Variants in CFAP20 observed in about 807,000 individuals in gnomAD.
CFAP20 encodes cilia and flagella associated protein 20, also known as cilia- and flagella-associated protein 20.
A neutral mutation model predicts 25.5 loss-of-function variants in CFAP20; 14 were observed. The observed-to-expected ratio is 0.55, with a 90% CI of 0.36 to 0.86. The LOEUF (loss-of-function observed/expected upper bound fraction) is 0.86. Among genes scored for constraint, CFAP20 ranks in the 40% least tolerant of loss-of-function variants. The probability of loss-of-function intolerance (pLI) is 0.01; values close to 1 mark genes in which losing one functional copy is unlikely to be tolerated. For missense variants in CFAP20, 181 were observed against 248.0 expected (o/e 0.73, Z 1.81); for synonymous variants, 75 against 91.1 (o/e 0.82, Z 1.01).
intron 3 of CFAP20, 38 bp from the exon 4 acceptor site, chr16:58,115,495 T>C: frequency 1.9e-6 from 3 of 1,603,292 alleles, no homozygotes; most frequent in Non-Finnish European, 1.7e-6. Flanking sequence ...ACTAGCTCTG[T>C]CTTGGAAGAA....
At chr16:58,128,552 G>A (rs866155945) in intron 1 of CFAP20, among the ~76,000 whole-genome samples, 1 of 152,188 alleles carries the variant, frequency 6.6e-6, no homozygotes, top group African/African-American at 2.4e-5. Context: ...TCTGTGTCTA[G>A]TGCCCAGCAC....
intron 1 of CFAP20, among the ~76,000 whole-genome samples, chr16:58,126,803 T>C (rs758383240): frequency 5.9e-5 from 9 of 152,346 alleles, no homozygotes; most frequent in Non-Finnish European, 7.3e-5. Context: ...CCCTACTGGA[T>C]TGAATTTCCA....
intron 1 of CFAP20, among the ~76,000 whole-genome samples, chr16:58,122,782 G>T (rs1960552083): frequency 6.6e-6 from 1 of 152,086 alleles, no homozygotes; most frequent in African/African-American, 2.4e-5. Flanking sequence ...CTAGAATGTA[G>T]GAAATTTTTT....
At chr16:58,115,076 C>T (rs1311827641) in intron 4 of CFAP20, 156 bp from the exon 5 acceptor site, 9 of 974,466 alleles carry the variant, frequency 9.2e-6, no homozygotes, top group Non-Finnish European at 1.2e-5. Context: ...GGAGGTCTTA[C>T]TTGCTGTATT....
intron 5 of CFAP20, among the ~76,000 whole-genome samples, chr16:58,114,265 C>T (rs1033259628): frequency 2.0e-5 from 3 of 152,152 alleles, no homozygotes; most frequent in Non-Finnish European, 4.4e-5. Flanking sequence ...CGGTGGCTCA[C>T]GCCTGTAATC....
chr16:58,126,597 C>T (rs1457769350), intron 1 of CFAP20, among the ~76,000 whole-genome samples: 1 of 152,204 alleles, frequency 6.6e-6, no homozygotes, highest in African/African-American at 2.4e-5. Context: ...TATATACCTA[C>T]TGGCAAAAGT....
chr16:58,116,092 G>A lies in CFAP20; in HGVS notation c.225C>T (p.Phe75=). ...TCAGGTTTTTGATAATCATGACAAG[G>A]AAAGGAAGTTTAATTCCCAGCGTCT... ...PKKTLGIKLP[F]LVMIIKNLKK... Residue 75 remains phenylalanine (F), a synonymous_variant, in exon 3 of 6, where the codon TTC becomes TTT. Transcript: ENST00000262498. The A allele has an allele frequency of 5.6e-6, 9 of 1,613,940 alleles. No individual in the cohort carries two copies. Among genetic ancestry groups the A allele is most frequent in the Non-Finnish European group, 7.6e-6 (9 of 1,179,832 alleles).
intron 5 of CFAP20, 96 bp downstream of exon 5, chr16:58,114,714 G>T: frequency 1.1e-6 from 1 of 949,642 alleles, no homozygotes; most frequent in South Asian, 1.5e-5. Context: ...TCAACACAGA[G>T]AGGCTCTGCA....
chr16:58,127,298 A>G (rs1182201852), intron 1 of CFAP20, among the ~76,000 whole-genome samples: 1 of 152,262 alleles, frequency 6.6e-6, no homozygotes, highest in Admixed American at 6.5e-5. Context: ...CGTAACAGAA[A>G]TTCTGAGGCC....
chr16:58,115,795 T>A (rs1960449867), intron 3 of CFAP20: 1 of 513,504 alleles, frequency 1.9e-6, no homozygotes, highest in South Asian at 2.4e-5. Context: ...CCCAAATGGA[T>A]ACCACGCTAA....
At chr16:58,124,413 G>A (rs1051841745) in intron 1 of CFAP20, among the ~76,000 whole-genome samples, 4 of 152,158 alleles carry the variant, frequency 2.6e-5, no homozygotes, top group Non-Finnish European at 2.9e-5. Flanking sequence ...ATGGGATTAC[G>A]TTCTGAGAAA....
intron 1 of CFAP20, among the ~76,000 whole-genome samples, chr16:58,126,996 T>A (rs1261473856): frequency 6.6e-6 from 1 of 152,190 alleles, no homozygotes; most frequent in Admixed American, 6.5e-5. Flanking sequence ...GCTTTTACCG[T>A]TGTGAAGATT....
Position 58,115,532 on chromosome 16 carries a change from C to G in CFAP20, c.277-75G>C, listed in dbSNP as rs1960446400. ...CACACAACCTTGTCCAGACAAGGAC[C>G]TGAATTCCCACAGCTTGCTTTCCCA... On this transcript the variant is annotated intron_variant, in intron 3 of 5. Coordinates refer to ENST00000262498, the MANE Select transcript of CFAP20 (RefSeq NM_013242.3). The G allele has an allele frequency of 3.9e-6, 6 of 1,523,806 alleles. No homozygotes were observed. The South Asian group carries it at 5.9e-5, about 15-fold the overall frequency. The allele number at this position is 1,523,806 out of a possible 1,614,324, so 94.4% of individuals were successfully genotyped here.
intron 1 of CFAP20, among the ~76,000 whole-genome samples, chr16:58,123,156 G>A (rs1436844109): frequency 2.6e-5 from 4 of 151,720 alleles, no homozygotes; most frequent in African/African-American, 7.3e-5. Context: ...CACCATGCCC[G>A]GCTAACTTTT....
At chr16:58,117,326 A>T (rs1056892914) in intron 1 of CFAP20, among the ~76,000 whole-genome samples, 6 of 152,252 alleles carry the variant, frequency 3.9e-5, no homozygotes, top group African/African-American at 1.4e-4. Context: ...AAATGTGGAC[A>T]TTGGCACCCC....
intron 1 of CFAP20, among the ~76,000 whole-genome samples, chr16:58,126,579 A>C (rs1369323061): frequency 6.6e-6 from 1 of 152,208 alleles, no homozygotes; most frequent in African/African-American, 2.4e-5. Flanking sequence ...AATAGGTACC[A>C]CAGTCAATAT....
chr16:58,121,797 C>T (rs1178716698), intron 1 of CFAP20, among the ~76,000 whole-genome samples: 1 of 151,728 alleles, frequency 6.6e-6, no homozygotes, highest in East Asian at 1.9e-4. Context: ...GTGGGTCAAG[C>T]TGAGGGAAAA....
intron 1 of CFAP20, among the ~76,000 whole-genome samples, chr16:58,117,967 G>A (rs1367545578): frequency 6.6e-6 from 1 of 152,036 alleles, no homozygotes; most frequent in African/African-American, 2.4e-5. Flanking sequence ...TCTCTGATTT[G>A]TTTTTCTGGC....
rs1250201558 is a variant in CFAP20, at chr16:58,115,259, G to A, written c.465+10C>T. On this transcript the variant is annotated intron_variant, in intron 4 of 5. Coordinates refer to ENST00000262498, the MANE Select transcript of CFAP20 (RefSeq NM_013242.3). ...CCAACCCAGGGCTCTATCTGGGAAA[G>A]GAGCAGTACCTGCACTCTGAGGGTC... The A allele has an allele frequency of 1.7e-5, 27 of 1,614,112 alleles. No homozygotes were observed. The highest frequency in any genetic ancestry group is 2.3e-5 in the Non-Finnish European group (27 of 1,180,016).
Sources: gnomAD v4.1 joint callset for allele counts (sites outside exome capture counted in the v4.1 genomes callset) on GRCh38, gnomAD v4.1.1 for gene constraint, MANE v1.5 for transcripts, NCBI Gene and HGNC (gene_info 2026-07-23, HGNC 2026-07-21) for gene names.